Variants in ARHGEF11 observed in about 807,000 individuals in gnomAD.
ARHGEF11 encodes the protein Rho guanine nucleotide exchange factor 11.
A neutral mutation model predicts 193.7 loss-of-function variants in ARHGEF11; 55 were observed. That is an observed-to-expected ratio of 0.28 (90% CI 0.23 to 0.36). ARHGEF11 has a LOEUF of 0.36. Ranked by LOEUF, ARHGEF11 falls within the 10% of genes least tolerant of loss-of-function variation. The pLI is 1.00. For synonymous variants in ARHGEF11, 693 were observed against 768.0 expected (o/e 0.90, Z 1.62); for missense variants, 1,723 against 2,005.6 (o/e 0.86, Z 2.69).
chr1:156,980,578 T>C (rs1249089331), intron 3 of ARHGEF11, 92 bp from the exon 4 acceptor site: 6 of 1,378,552 alleles, frequency 4.4e-6, no homozygotes, highest in East Asian at 2.5e-5. Flanking sequence ...CCTCTGAAAT[T>C]TCCTCTTATT....
chr1:156,978,571 C>T (rs1663605687), intron 5 of ARHGEF11, among the ~76,000 whole-genome samples, 189 bp from the exon 6 acceptor site: 1 of 152,190 alleles, frequency 6.6e-6, no homozygotes, highest in African/African-American at 2.4e-5. Flanking sequence ...TACTTCCTGC[C>T]CTTCCTTCAT....
intron 1 of ARHGEF11, among the ~76,000 whole-genome samples, chr1:157,006,406 G>T (rs568453337): frequency 6.6e-6 from 1 of 152,326 alleles, no homozygotes; most frequent in African/African-American, 2.4e-5. Context: ...TTCCAATCCT[G>T]AAGTTGACTC....
At position 156,938,416 on chromosome 1, in the gene ARHGEF11, A is replaced by G; in HGVS notation, c.4192+2T>C. 1.2e-6 allele frequency: 2 copies of G among 1,612,444 alleles called. No homozygotes were observed. The highest frequency in any genetic ancestry group is 8.5e-7 in the Non-Finnish European group (1 of 1,178,972). On this transcript the variant is annotated splice_donor_variant, in intron 38 of 40. Coordinates refer to ENST00000368194, the MANE Select transcript of ARHGEF11 (RefSeq NM_198236.3). LOFTEE classifies it high-confidence loss of function. ...CTTTAGCTCCAAGGAGAAAGTTATT[A>G]CCCGTAGCCTTTGTTCCGCCTTCCA...
intron 1 of ARHGEF11, among the ~76,000 whole-genome samples, chr1:157,032,185 T>A (rs947816347): frequency 2.0e-5 from 3 of 152,166 alleles, no homozygotes; most frequent in Non-Finnish European, 2.9e-5. Context: ...TAGACAGAAA[T>A]GGGGTAAGCA....
At chr1:156,972,309 C>T (rs1376279411) in intron 7 of ARHGEF11, among the ~76,000 whole-genome samples, 1 of 152,234 alleles carries the variant, frequency 6.6e-6, no homozygotes, top group African/African-American at 2.4e-5. Context: ...AGCCACTTAT[C>T]TAGCACTCCT....
chr1:157,037,497 G>A (rs1672188489), intron 1 of ARHGEF11, among the ~76,000 whole-genome samples: 1 of 152,048 alleles, frequency 6.6e-6, no homozygotes, highest in Admixed American at 6.6e-5. Flanking sequence ...AACACTTGGA[G>A]ACCACACCAT....
At chr1:156,937,726 T>C (rs1384128316) in intron 38 of ARHGEF11, among the ~76,000 whole-genome samples, 1 of 152,208 alleles carries the variant, frequency 6.6e-6, no homozygotes, top group East Asian at 1.9e-4. Context: ...GGGGAGATGC[T>C]GAGCGATGAA....
intron 5 of ARHGEF11, 56 bp downstream of exon 5, chr1:156,979,173 C>T: frequency 6.4e-7 from 1 of 1,554,546 alleles, no homozygotes; most frequent in Admixed American, 1.7e-5. Flanking sequence ...TCCCTCCTTT[C>T]CTCCCTCTCG....
intron 29 of ARHGEF11, 185 bp downstream of exon 29, chr1:156,945,860 C>T (rs1472560586): frequency 3.6e-6 from 2 of 557,840 alleles, no homozygotes; most frequent in African/African-American, 3.8e-5. Flanking sequence ...CACTATTAAA[C>T]ACCTTATATT....
At chr1:157,023,940 T>C (rs867693661) in intron 1 of ARHGEF11, among the ~76,000 whole-genome samples, 1 of 152,060 alleles carries the variant, frequency 6.6e-6, no homozygotes, top group Non-Finnish European at 1.5e-5. Context: ...CTCCTACATA[T>C]ACAACCAAGA....
At chr1:156,951,813 C>T in intron 21 of ARHGEF11, 114 bp from the exon 22 acceptor site, 2 of 1,341,864 alleles carry the variant, frequency 1.5e-6, no homozygotes, top group Non-Finnish European at 1.0e-6. Flanking sequence ...TGGATGAGAA[C>T]AGCACTGGAC....
chr1:156,943,233 G>T (rs1376125814), intron 32 of ARHGEF11, among the ~76,000 whole-genome samples: 1 of 151,982 alleles, frequency 6.6e-6, no homozygotes, highest in Admixed American at 6.6e-5. Context: ...GCTAATTTTT[G>T]TATTTTTAGT....
chr1:156,998,571 T>C (rs1571427965), intron 1 of ARHGEF11, among the ~76,000 whole-genome samples: 1 of 152,192 alleles, frequency 6.6e-6, no homozygotes, highest in African/African-American at 2.4e-5. Flanking sequence ...GTAATGTAAG[T>C]ACAGTATCTA....
chr1:157,031,027 TCTCC>T (rs1038604758), intron 1 of ARHGEF11, among the ~76,000 whole-genome samples: 19 of 149,150 alleles, frequency 1.3e-4, no homozygotes, highest in African/African-American at 3.7e-4. Flanking sequence ...TCCTCCTGCC[TCTCC>T]CACAGCAGTT....
chr1:156,969,206 T>G, intron 10 of ARHGEF11, 76 bp downstream of exon 10: 1 of 1,200,786 alleles, frequency 8.3e-7, no homozygotes, highest in East Asian at 2.5e-5. Flanking sequence ...GTGCAGCTGG[T>G]AGGCAGCAGA....
At chr1:156,999,118 A>C (rs1666907315) in intron 1 of ARHGEF11, among the ~76,000 whole-genome samples, 1 of 152,168 alleles carries the variant, frequency 6.6e-6, no homozygotes, top group African/African-American at 2.4e-5. Context: ...TTCTAGACCC[A>C]CTCTGCCCTT....
rs530098739 is a variant in ARHGEF11, at chr1:157,042,323, C to T, written c.32+1976G>A. Among the ~76,000 whole-genome samples, 13 of 152,300 alleles carry T rather than the reference C, an allele frequency of 8.5e-5. 1 individual carries two copies. Among genetic ancestry groups the T allele is most frequent in the East Asian group, 5.8e-4 (3 of 5,184 alleles). Reference sequence around the variant, plus strand: ...TAGAAGGGAAGACCTTGACTGCTGACGGGCACTTTACCCTACTACCAAAGA... The same window carrying T: ...TAGAAGGGAAGACCTTGACTGCTGATGGGCACTTTACCCTACTACCAAAGA... On this transcript the variant is annotated intron_variant, in intron 1 of 40. Transcript: ENST00000368194.
intron 8 of ARHGEF11, among the ~76,000 whole-genome samples, chr1:156,971,382 A>G (rs1379772322): frequency 1.3e-5 from 2 of 152,248 alleles, no homozygotes; most frequent in Non-Finnish European, 2.9e-5. Context: ...TCCACTATGA[A>G]GAACTACCCA....
rs936119763 is a variant in ARHGEF11, at chr1:156,948,574, T to G, written c.1926-76A>C. The G allele has an allele frequency of 6.2e-7, 1 of 1,612,542 alleles. No homozygotes were observed. ...GCTTACATCCTGGCTAACTCTTACC[T>G]GTGGCTCCATCTCAAAGATGCCTCC... is the stretch of plus-strand genomic sequence containing the variant. On this transcript the variant is annotated intron_variant, in intron 22 of 40. Transcript: ENST00000368194. The surrounding 1 kb of genome is among the most constrained non-coding windows in gnomAD (Gnocchi z 4.2).
Sources: allele counts gnomAD v4.1 joint callset (sites outside exome capture counted in the v4.1 genomes callset), GRCh38; gene constraint gnomAD v4.1.1; non-coding constraint Gnocchi (gnomAD v3.1); transcripts MANE v1.5; gene names NCBI Gene and HGNC (gene_info 2026-07-23, HGNC 2026-07-21).